Variants in CYP19A1 observed in about 807,000 individuals in gnomAD.
The protein encoded by CYP19A1 is aromatase.
A neutral mutation model predicts 44.4 loss-of-function variants in CYP19A1; 32 were observed. That is an observed-to-expected ratio of 0.72 (90% CI 0.54 to 0.97). The LOEUF (loss-of-function observed/expected upper bound fraction) is 0.97, where lower values mean the gene tolerates loss of function less well. Among genes scored for constraint, CYP19A1 ranks in the 50% least tolerant of loss-of-function variants. The pLI is 0.00. For missense variants in CYP19A1, 598 were observed against 637.8 expected (o/e 0.94, Z 0.67); for synonymous variants, 212 against 215.6 (o/e 0.98, Z 0.14).
intron 1 of CYP19A1, among the ~76,000 whole-genome samples, chr15:51,248,933 CTTTTTTTTTTTT>C (rs375834140): frequency 7.1e-6 from 1 of 140,384 alleles, no homozygotes; most frequent in Non-Finnish European, 1.6e-5. Context: ...TCAAATTCAT[CTTTTTTTTTTTT>C]TTTTTAGACA....
At chr15:51,236,546 A>T (rs2033404906) in intron 3 of CYP19A1, among the ~76,000 whole-genome samples, 2 of 152,132 alleles carry the variant, frequency 1.3e-5, no homozygotes, top group African/African-American at 4.8e-5. Flanking sequence ...AAAAGATAAC[A>T]CCTCTCCCTA....
intron 1 of CYP19A1, among the ~76,000 whole-genome samples, chr15:51,260,948 G>A (rs899514611): frequency 1.2e-4 from 18 of 152,028 alleles, no homozygotes; most frequent in Admixed American, 2.0e-4. Context: ...GTTCTGGCTC[G>A]AGCTGAGCTT....
intron 2 of CYP19A1, among the ~76,000 whole-genome samples, chr15:51,239,034 C>T (rs1366605945): frequency 6.8e-6 from 1 of 146,682 alleles, no homozygotes. Flanking sequence ...TTCTACCCAC[C>T]CTCCAGCTGG....
At chr15:51,237,068 TTG>T in intron 2 of CYP19A1, 59 bp from the exon 3 acceptor site, 3 of 1,596,416 alleles carry the variant, frequency 1.9e-6, no homozygotes, top group Admixed American at 1.7e-5. Flanking sequence ...TGCAACTGTT[TTG>T]TGTTACTCCT....
chr15:51,335,864 G>C (rs953672696), intron 1 of CYP19A1, among the ~76,000 whole-genome samples: 1 of 152,178 alleles, frequency 6.6e-6, no homozygotes, highest in African/African-American at 2.4e-5. Context: ...TCCCTGCCTT[G>C]GTTACAGCCT....
At chr15:51,288,139 C>T (rs966998141) in intron 1 of CYP19A1, among the ~76,000 whole-genome samples, 7 of 152,270 alleles carry the variant, frequency 4.6e-5, no homozygotes, top group East Asian at 1.9e-4. Flanking sequence ...GTGTTGGTAG[C>T]GCTCAGCAGT....
intron 1 of CYP19A1, among the ~76,000 whole-genome samples, chr15:51,282,626 T>C (rs2035562045): frequency 6.6e-6 from 1 of 152,226 alleles, no homozygotes; most frequent in Non-Finnish European, 1.5e-5. Flanking sequence ...TCTTTTCTCT[T>C]TCCTTTGACT....
intron 6 of CYP19A1, 177 bp downstream of exon 6, chr15:51,218,364 G>A: frequency 1.1e-6 from 1 of 951,734 alleles, no homozygotes; most frequent in Non-Finnish European, 1.5e-6. Context: ...TCTCTGGTCT[G>A]GCCAAATGCA....
intron 1 of CYP19A1, among the ~76,000 whole-genome samples, chr15:51,313,519 A>G (rs757382449): frequency 6.6e-6 from 1 of 152,194 alleles, no homozygotes; most frequent in Non-Finnish European, 1.5e-5. Flanking sequence ...ACTTAAGGCC[A>G]GGCACAGTGG....
intron 1 of CYP19A1, among the ~76,000 whole-genome samples, chr15:51,272,005 G>A (rs2035143292): frequency 1.3e-5 from 2 of 152,226 alleles, no homozygotes; most frequent in Admixed American, 1.3e-4. Flanking sequence ...ATATCACCAA[G>A]TTCATTGTTT....
chr15:51,230,874 C>A (rs1359176984), intron 3 of CYP19A1, among the ~76,000 whole-genome samples: 3 of 152,096 alleles, frequency 2.0e-5, no homozygotes, highest in Non-Finnish European at 4.4e-5. Context: ...CACCCACTTT[C>A]ACCTCCCAAA....
intron 4 of CYP19A1, among the ~76,000 whole-genome samples, chr15:51,223,537 T>G (rs913676359): frequency 5.3e-5 from 8 of 151,100 alleles, no homozygotes; most frequent in African/African-American, 2.0e-4. Context: ...TAGACGTAAC[T>G]CCAGAAGAAG....
At chr15:51,276,405 G>A (rs2035312410) in intron 1 of CYP19A1, among the ~76,000 whole-genome samples, 1 of 152,134 alleles carries the variant, frequency 6.6e-6, no homozygotes, top group African/African-American at 2.4e-5. Context: ...AAGAACCACT[G>A]CAAAAACTTA....
chr15:51,241,537 C>T (rs868653015), intron 2 of CYP19A1, among the ~76,000 whole-genome samples: 3 of 152,120 alleles, frequency 2.0e-5, no homozygotes, highest in Non-Finnish European at 2.9e-5. Context: ...GAAAAAAAGG[C>T]TCTCCACCCC....
chr15:51,222,308 A>C (rs760242572), intron 5 of CYP19A1, 41 bp downstream of exon 5: 6 of 1,614,084 alleles, frequency 3.7e-6, no homozygotes, highest in Non-Finnish European at 4.2e-6. Flanking sequence ...TTGTTCAGTA[A>C]AGGACAGATG....
intron 1 of CYP19A1, among the ~76,000 whole-genome samples, chr15:51,327,761 A>G (rs2036635021): frequency 6.6e-6 from 1 of 152,134 alleles, no homozygotes; most frequent in African/African-American, 2.4e-5. Flanking sequence ...CTCAGAAAAA[A>G]CAAACAAATG....
intron 1 of CYP19A1, among the ~76,000 whole-genome samples, chr15:51,264,723 G>A (rs1018449852): frequency 3.3e-5 from 5 of 152,096 alleles, no homozygotes; most frequent in African/African-American, 1.2e-4. Context: ...ACTGGGGTGG[G>A]GTGCAGGCAG....
chr15:51,302,621 A>G (rs2036138005), intron 1 of CYP19A1, among the ~76,000 whole-genome samples: 2 of 152,026 alleles, frequency 1.3e-5, no homozygotes, highest in South Asian at 2.1e-4. Context: ...CCCTCTCCCC[A>G]CTGTCCTCAC....
chr15:51,333,932 C>T (rs1037178242), intron 1 of CYP19A1, among the ~76,000 whole-genome samples: 2 of 152,070 alleles, frequency 1.3e-5, no homozygotes, highest in African/African-American at 4.8e-5. Flanking sequence ...TTTTTTAGGA[C>T]CTATATGCAC....
Sources: allele counts gnomAD v4.1 joint callset (sites outside exome capture counted in the v4.1 genomes callset), GRCh38; gene constraint gnomAD v4.1.1; transcripts MANE v1.5; gene names NCBI Gene and HGNC (gene_info 2026-07-23, HGNC 2026-07-21).